Variants in HSD17B4 observed in about 807,000 individuals in gnomAD.
HSD17B4 encodes the protein peroxisomal multifunctional enzyme type 2.
In HSD17B4, 70 loss-of-function variants were observed where a neutral mutation model predicts 101.0. That is an observed-to-expected ratio of 0.69 (90% confidence interval 0.57 to 0.85). The LOEUF (loss-of-function observed/expected upper bound fraction) is 0.85, where lower values mean the gene tolerates loss of function less well. Ranked by LOEUF, HSD17B4 falls within the 40% of genes least tolerant of loss-of-function variation. The pLI is 0.00. For missense variants in HSD17B4, 984 were observed against 892.4 expected (o/e 1.10, Z -1.31); for synonymous variants, 347 against 297.1 (o/e 1.17, Z -1.73).
At chr5:119,480,068 T>G (rs1748977747) in intron 8 of HSD17B4, among the ~76,000 whole-genome samples, 1 of 152,186 alleles carries the variant, frequency 6.6e-6, no homozygotes, top group Admixed American at 6.6e-5. Context: ...ATTGTTTTAA[T>G]TTGCACTTAC....
intron 22 of HSD17B4, chr5:119,535,963 T>C (rs1331367500): frequency 5.1e-6 from 1 of 195,852 alleles, no homozygotes; most frequent in African/African-American, 2.4e-5. Context: ...CCCTCCCTCA[T>C]TAAATGCTGT....
rs1240925175 is a variant in HSD17B4, at chr5:119,515,033, CCT to C, written c.1495_1496del (p.Leu499Ter). 1 of 1,579,132 alleles carries C rather than the reference CCT, an allele frequency of 6.3e-7. No homozygotes were observed. Among genetic ancestry groups the C allele is most frequent in the Non-Finnish European group, 8.7e-7 (1 of 1,148,396 alleles). On this transcript the variant is annotated frameshift_variant, in exon 17 of 24. Transcript: ENST00000510025. LOFTEE classifies it high-confidence loss of function. ...CCTGATGCTGTACTTACAGATACCA[CCT>C]CTCTTAATCAGGTAAGATTGTATTT...
At chr5:119,474,181 C>T (rs1427541162) in intron 3 of HSD17B4, among the ~76,000 whole-genome samples, 166 bp downstream of exon 3, 1 of 152,068 alleles carries the variant, frequency 6.6e-6, no homozygotes, top group African/African-American at 2.4e-5. Context: ...ATTGTTAAAA[C>T]TTTTGATGTA....
Position 119,485,664 on chromosome 5 carries a change from A to G in HSD17B4, c.623-3528A>G, listed in dbSNP as rs151259695. ...GGAATTATTTGTTAAAGAACCAGAT[A>G]TTATGAGTAATGTGTGGAGACATTT... On this transcript the variant is annotated intron_variant, in intron 8 of 23. Transcript: ENST00000510025. Among the ~76,000 whole-genome samples, 266 of 152,328 alleles carry G rather than the reference A, an allele frequency of 1.7e-3. 6 individuals are homozygous for G. In the South Asian group the frequency reaches 0.049, roughly 28 times the overall value.
At chr5:119,469,385 C>T (rs1040878571) in intron 2 of HSD17B4, among the ~76,000 whole-genome samples, 7 of 151,830 alleles carry the variant, frequency 4.6e-5, no homozygotes, top group Non-Finnish European at 1.0e-4. Flanking sequence ...GACAGGGTCT[C>T]ACTCTGTTGC....
At position 119,530,865 on chromosome 5, in the gene HSD17B4, A is replaced by AC. The variant is rs1258847827; in HGVS notation, c.1855-401_1855-400insC. On this transcript the variant is annotated intron_variant, in intron 21 of 23. Transcript: ENST00000510025. ...TGTCTCAAAAAAAAAAAAAAAAAACAAAAAACAAAAAAAACCCAAAACTTA... is the reference window on the plus strand; with the variant it reads ...TGTCTCAAAAAAAAAAAAAAAAAACACAAAAACAAAAAAAACCCAAAACTTA... Among the ~76,000 whole-genome samples, 40 of 87,852 alleles carry AC rather than the reference A, an allele frequency of 4.6e-4. 1 individual carries two copies. The highest frequency in any genetic ancestry group is 3.5e-3 in the Admixed American group (33 of 9,546). 57.6% of individuals were successfully genotyped at this position (87,852 alleles called of 152,430 possible).
chr5:119,531,895 T>A (rs1048376875), intron 22 of HSD17B4, among the ~76,000 whole-genome samples: 1 of 152,142 alleles, frequency 6.6e-6, no homozygotes, highest in African/African-American at 2.4e-5. Flanking sequence ...GTCAAAGGTG[T>A]TTGTTTATCT....
At chr5:119,538,749 G>A (rs994940569) in intron 23 of HSD17B4, among the ~76,000 whole-genome samples, 2 of 152,048 alleles carry the variant, frequency 1.3e-5, no homozygotes, top group African/African-American at 4.8e-5. Context: ...CTATGCATTT[G>A]CCTTTTCTGG....
intron 22 of HSD17B4, among the ~76,000 whole-genome samples, 189 bp downstream of exon 22, chr5:119,531,593 GTGTT>G (rs1315253865): frequency 1.1e-4 from 17 of 151,550 alleles, no homozygotes; most frequent in East Asian, 3.9e-4. Context: ...GTGTGTGTGT[GTGTT>G]TGTGTGTGTG....
chr5:119,490,396 A>T (rs527906197), intron 9 of HSD17B4, among the ~76,000 whole-genome samples: 24 of 152,302 alleles, frequency 1.6e-4, no homozygotes, highest in Admixed American at 5.9e-4. Flanking sequence ...TATGTTTATT[A>T]CTAACTTTGT....
chr5:119,453,380 CA>C (rs1404791466), intron 1 of HSD17B4, among the ~76,000 whole-genome samples: 6 of 152,184 alleles, frequency 3.9e-5, no homozygotes, highest in African/African-American at 1.4e-4. Flanking sequence ...TCAGGAGCGG[CA>C]AAATGGAAAA....
Position 119,475,874 on chromosome 5 carries a change from A to G in HSD17B4, c.349+4A>G, listed in dbSNP as rs2126690458. On this transcript the variant is annotated splice_donor_region_variant and intron_variant, in intron 6 of 23. Coordinates refer to ENST00000510025, the MANE Select transcript of HSD17B4 (RefSeq NM_000414.4). The stretch of plus-strand genomic sequence containing the variant: ...AGGATAAGTGATGAAGACTGGGGTA[A>G]GTTGTTTTTAGTATTTCTCTGGGGA... The G allele has an allele frequency of 2.5e-6, 4 of 1,572,068 alleles. No homozygotes were observed. The highest frequency in any genetic ancestry group is 3.5e-6 in the Non-Finnish European group (4 of 1,141,884).
At chr5:119,467,756 A>G (rs980830604) in intron 2 of HSD17B4, among the ~76,000 whole-genome samples, 6 of 152,248 alleles carry the variant, frequency 3.9e-5, no homozygotes, top group African/African-American at 1.4e-4. Context: ...TGGGTTTCAC[A>G]GGGCCAACTT....
chr5:119,523,218 G>A (rs1301642141), intron 17 of HSD17B4, among the ~76,000 whole-genome samples: 1 of 151,820 alleles, frequency 6.6e-6, no homozygotes, highest in Non-Finnish European at 1.5e-5. Context: ...TAACTTAATG[G>A]TACAATTTTA....
chr5:119,469,603 C>T (rs1477859861), intron 2 of HSD17B4, among the ~76,000 whole-genome samples: 1 of 152,184 alleles, frequency 6.6e-6, no homozygotes, highest in Non-Finnish European at 1.5e-5. Context: ...GATCCACCTG[C>T]CTGGGCCTCC....
intron 17 of HSD17B4, among the ~76,000 whole-genome samples, chr5:119,517,451 CG>C (rs1160751450): frequency 6.6e-6 from 1 of 152,228 alleles, no homozygotes; most frequent in African/African-American, 2.4e-5. Context: ...TGCTCCACGG[CG>C]CCCAGTCCCA....
intron 2 of HSD17B4, 119 bp downstream of exon 2, chr5:119,456,487 A>T: frequency 1.3e-6 from 1 of 781,810 alleles, no homozygotes; most frequent in East Asian, 2.6e-5. Context: ...ATTAATTTTT[A>T]CTTTTGCCAG....
intron 17 of HSD17B4, among the ~76,000 whole-genome samples, chr5:119,518,446 C>T (rs1752836413): frequency 1.3e-5 from 2 of 152,160 alleles, no homozygotes; most frequent in African/African-American, 4.8e-5. Context: ...CAAGAACCCA[C>T]CAATTCCGGA....
intron 15 of HSD17B4, among the ~76,000 whole-genome samples, chr5:119,508,346 A>T (rs1426358198): frequency 6.6e-6 from 1 of 152,226 alleles, no homozygotes; most frequent in African/African-American, 2.4e-5. Flanking sequence ...ATTTGTAGAC[A>T]AAGTGAAATT....
Sources: gnomAD v4.1 joint callset for allele counts (sites outside exome capture counted in the v4.1 genomes callset) on GRCh38, gnomAD v4.1.1 for gene constraint, MANE v1.5 for transcripts, NCBI Gene and HGNC (gene_info 2026-07-23, HGNC 2026-07-21) for gene names.